Variants in DRD3 observed in about 807,000 individuals in gnomAD.
DRD3 encodes dopamine receptor D3.
In DRD3, 19 loss-of-function variants were observed where a neutral mutation model predicts 36.3. The ratio of observed to expected loss-of-function variants is 0.52; its 90% CI spans 0.36 to 0.77. DRD3 has a LOEUF of 0.77. Among genes scored for constraint, DRD3 ranks in the 30% least tolerant of loss-of-function variants. The pLI is 0.00. For synonymous variants in DRD3, 195 were observed against 203.7 expected (o/e 0.96, Z 0.36); for missense variants, 465 against 505.3 (o/e 0.92, Z 0.77).
At chr3:114,145,086 G>A (rs1013556262) in intron 4 of DRD3, among the ~76,000 whole-genome samples, 3 of 151,958 alleles carry the variant, frequency 2.0e-5, no homozygotes, top group Admixed American at 6.6e-5. Flanking sequence ...GAATAAGACC[G>A]CCTCCACCAA....
At chr3:114,143,013 T>C (rs1342517805) in intron 4 of DRD3, among the ~76,000 whole-genome samples, 20 of 152,180 alleles carry the variant, frequency 1.3e-4, no homozygotes, top group Non-Finnish European at 2.9e-5. Flanking sequence ...GGCAGAGTGA[T>C]GCACCACACA....
chr3:114,148,933 G>A (rs1463975374), intron 3 of DRD3, among the ~76,000 whole-genome samples: 8 of 152,054 alleles, frequency 5.3e-5, no homozygotes, highest in African/African-American at 1.9e-4. Context: ...GGCTGGTCTC[G>A]AACTCCTGAA....
In DRD3 at chr3:114,193,289, C is replaced by T. The variant is rs778438265; in HGVS notation, c.-156+5984G>A. ...GTGAGACTCCGTCTCAAAACAACAA[C>T]GACAACAACAACAACAACAACAACA... On this transcript the variant is annotated intron_variant, in intron 1 of 7. Coordinates refer to the DRD3 transcript ENST00000460779. Among the ~76,000 whole-genome samples the T allele has an allele frequency of 3.1e-4, 46 of 149,780 alleles. 1 individual carries two copies. Among genetic ancestry groups the T allele is most frequent in the Middle Eastern group, 7.1e-3 (2 of 282 alleles).
intron 6 of DRD3, among the ~76,000 whole-genome samples, chr3:114,130,183 C>T (rs553234744): frequency 6.6e-6 from 1 of 152,038 alleles, no homozygotes; most frequent in Non-Finnish European, 1.5e-5. Context: ...TGCTTGAGCC[C>T]AGGAGTTCAA....
chr3:114,178,182 A>G (rs749295540), intron 1 of DRD3, among the ~76,000 whole-genome samples: 21 of 152,312 alleles, frequency 1.4e-4, no homozygotes, highest in Admixed American at 2.6e-4. Context: ...CTCTGCTGGG[A>G]ATAATTGGAT....
At chr3:114,147,608 C>A (rs775513716) in intron 3 of DRD3, 51 bp from the exon 4 acceptor site, 1 of 1,582,808 alleles carries the variant, frequency 6.3e-7, no homozygotes, top group South Asian at 1.1e-5. Context: ...GAATGGGGTA[C>A]TTTTCTTTCT....
chr3:114,138,034 T>A (rs12490922), intron 5 of DRD3, among the ~76,000 whole-genome samples: 130,009 of 145,956 alleles, frequency 0.89, 59,239 homozygotes, highest in East Asian at 0.99. Flanking sequence ...CCAGATGTGT[T>A]GGTGGGCACC....
intron 6 of DRD3, among the ~76,000 whole-genome samples, chr3:114,129,869 C>T (rs1198434093): frequency 6.6e-6 from 1 of 152,188 alleles, no homozygotes; most frequent in African/African-American, 2.4e-5. Context: ...ACCAGCCTGA[C>T]TAACATGGCG....
At chr3:114,150,298 G>A (rs147814435) in intron 3 of DRD3, among the ~76,000 whole-genome samples, 7 of 152,308 alleles carry the variant, frequency 4.6e-5, no homozygotes, top group Non-Finnish European at 7.3e-5. Flanking sequence ...AATCTCAGAT[G>A]AACTTTCCAG....
upstream of DRD3, among the ~76,000 whole-genome samples, chr3:114,180,544 C>A (rs568754961): frequency 6.6e-6 from 1 of 152,196 alleles, no homozygotes; most frequent in African/African-American, 2.4e-5. Flanking sequence ...GCAGGAGAAA[C>A]CAAACCTGCC....
At chr3:114,197,938 A>G (rs1445496453) in intron 1 of DRD3, among the ~76,000 whole-genome samples, 1 of 152,150 alleles carries the variant, frequency 6.6e-6, no homozygotes, top group Non-Finnish European at 1.5e-5. Flanking sequence ...TAATATTTCC[A>G]TATGAACTTT....
At chr3:114,195,929 T>C (rs2078033814) in intron 1 of DRD3, among the ~76,000 whole-genome samples, 1 of 152,026 alleles carries the variant, frequency 6.6e-6, no homozygotes, top group Admixed American at 6.6e-5. Context: ...ATAGGAGACA[T>C]CCACAAAACT....
At chr3:114,192,280 TG>T (rs1560006844) in intron 1 of DRD3, among the ~76,000 whole-genome samples, 1 of 152,192 alleles carries the variant, frequency 6.6e-6, no homozygotes, top group African/African-American at 2.4e-5. Flanking sequence ...CTTCTTGGAT[TG>T]TCACTGAAGA....
intron 1 of DRD3, among the ~76,000 whole-genome samples, chr3:114,198,507 T>C (rs1227640999): frequency 6.6e-6 from 1 of 152,224 alleles, no homozygotes; most frequent in Non-Finnish European, 1.5e-5. Flanking sequence ...TATAGATTGA[T>C]TTCGTATTCT....
In DRD3 at chr3:114,170,720, T is replaced by C. The variant is rs577707042; in HGVS notation, c.270+1003A>G. Among the ~76,000 whole-genome samples, 7 of 152,318 alleles carry C rather than the reference T, an allele frequency of 4.6e-5. No homozygotes were observed. The South Asian group carries it at 1.5e-3, about 32-fold the overall frequency. ...AAGGTTTTTGCTCTCCCGTGATATG[T>C]CATACTTAATTAACTGTCACTTTTA... On this transcript the variant is annotated intron_variant, in intron 2 of 6. Coordinates refer to ENST00000383673, the MANE Select transcript of DRD3 (RefSeq NM_000796.6).
intron 4 of DRD3, among the ~76,000 whole-genome samples, chr3:114,146,927 C>T (rs1443643895): frequency 6.6e-6 from 1 of 151,960 alleles, no homozygotes; most frequent in Non-Finnish European, 1.5e-5. Flanking sequence ...ATATACTCTC[C>T]AGGAATTTGG....
At chr3:114,173,973 A>G (rs2077872905) in intron 1 of DRD3, among the ~76,000 whole-genome samples, 1 of 152,154 alleles carries the variant, frequency 6.6e-6, no homozygotes, top group South Asian at 2.1e-4. Flanking sequence ...GAAATGTTTC[A>G]GCCTGAAATA....
At chr3:114,150,828 G>A (rs945821186) in intron 3 of DRD3, among the ~76,000 whole-genome samples, 11 of 152,134 alleles carry the variant, frequency 7.2e-5, no homozygotes, top group Admixed American at 5.2e-4. Flanking sequence ...GCTCCTATGC[G>A]CCAGCACTGC....
chr3:114,147,476 C>T lies in DRD3; in HGVS notation c.465G>A (p.Thr155=), dbSNP rs201099771. 152 of 1,613,832 alleles carry T rather than the reference C, an allele frequency of 9.4e-5. 1 individual carries two copies. Among genetic ancestry groups the T allele is most frequent in the Admixed American group, 8.8e-4 (53 of 59,972 alleles). The stretch of plus-strand genomic sequence containing the variant: ...CAGCAAAGGCCAGTACCCAGACGGC[C>T]GTGATCATGAGGGCCACGCGCCGAC... ...SSCRRVALMI[T]AVWVLAFAVS... is the part of the protein sequence containing the mutation. The change falls in exon 4 of 7, where the codon ACG becomes ACA. Residue 155 remains threonine (T), a synonymous_variant. Transcript: ENST00000383673.
Sources: gnomAD v4.1 joint callset for allele counts (sites outside exome capture counted in the v4.1 genomes callset) on GRCh38, gnomAD v4.1.1 for gene constraint, MANE v1.5 for transcripts, NCBI Gene and HGNC (gene_info 2026-07-23, HGNC 2026-07-21) for gene names.